Variants in CSNK1G1 observed in about 807,000 individuals in gnomAD.
The protein encoded by CSNK1G1 is casein kinase I isoform gamma-1.
Under a neutral mutation model 59.6 loss-of-function variants are expected in CSNK1G1, and 22 were observed. That is an observed-to-expected ratio of 0.37 (90% CI 0.26 to 0.53). The LOEUF (loss-of-function observed/expected upper bound fraction) is 0.53. Among genes scored for constraint, CSNK1G1 ranks in the 20% least tolerant of loss-of-function variants. CSNK1G1 has a pLI of 0.89. For missense variants in CSNK1G1, 384 were observed against 519.5 expected (o/e 0.74, Z 2.54); for synonymous variants, 179 against 177.1 (o/e 1.01, Z -0.08).
intron 3 of CSNK1G1, among the ~76,000 whole-genome samples, chr15:64,254,056 C>T (rs770870674): frequency 5.9e-5 from 9 of 152,130 alleles, no homozygotes; most frequent in Non-Finnish European, 1.3e-4. Flanking sequence ...AGGAGAATTG[C>T]TTGAACCCGG....
intron 10 of CSNK1G1, chr15:64,181,612 A>C (rs1307766311): frequency 1.7e-6 from 1 of 592,014 alleles, no homozygotes; most frequent in African/African-American, 2.0e-5. Flanking sequence ...TAGTGTAGAA[A>C]TTGCCCTAAT....
At chr15:64,319,350 A>T (rs909682707) in intron 1 of CSNK1G1, among the ~76,000 whole-genome samples, 1 of 152,102 alleles carries the variant, frequency 6.6e-6, no homozygotes. Flanking sequence ...TACATGTATT[A>T]CTATTATTAA....
intron 4 of CSNK1G1, among the ~76,000 whole-genome samples, chr15:64,246,563 C>T (rs1046098732): frequency 2.8e-5 from 4 of 143,970 alleles, no homozygotes; most frequent in African/African-American, 1.0e-4. Context: ...TTTGAGGCTG[C>T]AGCAAGCTAC....
intron 2 of CSNK1G1, among the ~76,000 whole-genome samples, chr15:64,291,540 A>G (rs1009544593): frequency 6.6e-6 from 1 of 152,190 alleles, no homozygotes; most frequent in Non-Finnish European, 1.5e-5. Flanking sequence ...GTGAGCTAAG[A>G]TCATGCCATT....
rs1165768581 is a variant in CSNK1G1, at chr15:64,352,447, C to CTTTTTTTTTTTTTTTTTTTT, written c.-225+3540_-225+3541insAAAAAAAAAAAAAAAAAAAA. On this transcript the variant is annotated intron_variant, in intron 1 of 11. Coordinates refer to ENST00000303052, the MANE Select transcript of CSNK1G1 (RefSeq NM_022048.5). ...ATCACAAAACATAATTTGAATTCTT[C>CTTTTTTTTTTTTTTTTTTTT]TTTTTTTTTTTTTTTTTTTGAGATG... 6.7e-5 allele frequency among the ~76,000 whole-genome samples: 6 copies of CTTTTTTTTTTTTTTTTTTTT among 89,430 alleles called. 1 individual carries two copies. Among genetic ancestry groups the CTTTTTTTTTTTTTTTTTTTT allele is most frequent in the African/African-American group, 2.2e-4 (5 of 22,738 alleles). The allele number at this position is 89,430 out of a possible 152,430, so 58.7% of individuals were successfully genotyped here.
rs1394277295 is a variant in CSNK1G1, at chr15:64,188,079, T to C, written c.1108-7625A>G. ...ATTCACAGACTTGACACTAACACAA[T>C]CCTACCTTGATGTTATTTTTATGGT... On this transcript the variant is annotated intron_variant, in intron 10 of 11. Coordinates refer to ENST00000303052, the MANE Select transcript of CSNK1G1 (RefSeq NM_022048.5). This position sits in a 1 kb window ranked among gnomAD's most constrained non-coding sequence, Gnocchi z 4.2. 6.6e-6 allele frequency among the ~76,000 whole-genome samples: 1 copy of C among 152,228 alleles called. No individual in the cohort carries two copies. The highest frequency in any genetic ancestry group is 1.5e-5 in the Non-Finnish European group (1 of 68,038).
chr15:64,213,264 T>A (rs982665065), intron 6 of CSNK1G1, among the ~76,000 whole-genome samples: 5 of 152,178 alleles, frequency 3.3e-5, no homozygotes, highest in African/African-American at 1.2e-4. Context: ...GGGCTCTGCC[T>A]GCTTGGTCTC....
At chr15:64,248,928 G>A (rs1891916312) in intron 4 of CSNK1G1, among the ~76,000 whole-genome samples, 1 of 152,154 alleles carries the variant, frequency 6.6e-6, no homozygotes, top group Non-Finnish European at 1.5e-5. Flanking sequence ...AGACCATCCT[G>A]GCTAACATGG....
intron 4 of CSNK1G1, among the ~76,000 whole-genome samples, chr15:64,229,656 G>GA (rs1351552013): frequency 1.3e-5 from 2 of 151,854 alleles, no homozygotes; most frequent in Admixed American, 6.6e-5. Context: ...GAAGAGGTGA[G>GA]AAAAAAAGAG....
At chr15:64,224,730 A>C (rs16947828) in intron 4 of CSNK1G1, among the ~76,000 whole-genome samples, 6,534 of 152,278 alleles carry the variant, frequency 0.043, 158 homozygotes, top group South Asian at 0.079. Context: ...TGGGAACTGG[A>C]ATACTGCCAA....
intron 2 of CSNK1G1, among the ~76,000 whole-genome samples, chr15:64,286,333 T>C (rs1008236537): frequency 2.6e-5 from 4 of 151,296 alleles, no homozygotes; most frequent in Admixed American, 6.6e-5. Context: ...ATTGTTAACA[T>C]GTTATTGTTA....
intron 2 of CSNK1G1, among the ~76,000 whole-genome samples, chr15:64,283,133 C>T (rs975594962): frequency 2.0e-5 from 3 of 152,034 alleles, no homozygotes; most frequent in Non-Finnish European, 4.4e-5. Flanking sequence ...TAACCAAACA[C>T]CATCTGTACC....
intron 6 of CSNK1G1, among the ~76,000 whole-genome samples, chr15:64,208,202 G>A: frequency 6.6e-6 from 1 of 152,028 alleles, no homozygotes; most frequent in Non-Finnish European, 1.5e-5. Context: ...TATTACTAAG[G>A]TCTCCTCAAA....
chr15:64,166,939 G>A lies in CSNK1G1; in HGVS notation c.*4992C>T, dbSNP rs2081609710. 6.6e-6 allele frequency: 1 copy of A among 152,336 alleles called. No homozygotes were observed. Among genetic ancestry groups the A allele is most frequent in the Non-Finnish European group, 1.5e-5 (1 of 68,040 alleles). The allele number at this position is 152,336 out of a possible 1,614,324, so 9.4% of individuals were successfully genotyped here. On this transcript the variant is annotated 3_prime_UTR_variant, in exon 12 of 12. Transcript: ENST00000303052. This position sits in a 1 kb window ranked among gnomAD's most constrained non-coding sequence, Gnocchi z 4.5. Reference sequence around the variant, plus strand: ...AAGAAATTCTGTCTACAGAACGGAGGTTTCTTTGTAACATCAGGTTTGGTA... The same window carrying A: ...AAGAAATTCTGTCTACAGAACGGAGATTTCTTTGTAACATCAGGTTTGGTA...
At chr15:64,265,706 A>C (rs937958965) in intron 2 of CSNK1G1, 2 of 396,400 alleles carry the variant, frequency 5.0e-6, no homozygotes, top group African/African-American at 4.2e-5. Flanking sequence ...CAAAGGGGTG[A>C]ATGATCTCTA....
intron 4 of CSNK1G1, among the ~76,000 whole-genome samples, chr15:64,234,794 G>A (rs2082593514): frequency 6.6e-6 from 1 of 151,978 alleles, no homozygotes; most frequent in Non-Finnish European, 1.5e-5. Flanking sequence ...CTTGAGTGGT[G>A]GGCCCATGTG....
chr15:64,269,156 G>A (rs1444328324), intron 2 of CSNK1G1, among the ~76,000 whole-genome samples: 1 of 152,170 alleles, frequency 6.6e-6, no homozygotes, highest in Non-Finnish European at 1.5e-5. Context: ...CATTACAAGT[G>A]TTTTGGGCCT....
rs1255755874 is a variant in CSNK1G1 at position 64,170,947 on chromosome 15, AT to A, written c.*983del. 1 of 152,480 alleles carries A rather than the reference AT, an allele frequency of 6.6e-6. No individual in the cohort carries two copies. The highest frequency in any genetic ancestry group is 1.5e-5 in the Non-Finnish European group (1 of 68,010). The allele number at this position is 152,480 out of a possible 1,614,324, so 9.4% of individuals were successfully genotyped here. ...TGAGAAGATGAATGAAAATTCAAGT[AT>A]GTTTTCTTGCCAACCTGAGTGTTCA... On this transcript the variant is annotated 3_prime_UTR_variant, in exon 12 of 12. Transcript: ENST00000303052.
At chr15:64,237,347 C>T (rs2082630356) in intron 4 of CSNK1G1, among the ~76,000 whole-genome samples, 1 of 152,100 alleles carries the variant, frequency 6.6e-6, no homozygotes, top group Non-Finnish European at 1.5e-5. Context: ...GCAGAGAGAC[C>T]TGAAAAATTT....
Sources: gnomAD v4.1 joint callset for allele counts (sites outside exome capture counted in the v4.1 genomes callset) on GRCh38, gnomAD v4.1.1 for gene constraint, Gnocchi (gnomAD v3.1) non-coding constraint, MANE v1.5 for transcripts, NCBI Gene and HGNC (gene_info 2026-07-23, HGNC 2026-07-21) for gene names.